The following PPM1L variants were observed in gnomAD, a reference collection of about 807,000 sequenced individuals.
PPM1L encodes protein phosphatase 1L.
In PPM1L, 13 loss-of-function variants were observed where a neutral mutation model predicts 31.4. That is an observed-to-expected ratio of 0.41 (90% CI 0.27 to 0.66). PPM1L has a LOEUF of 0.66. Ranked by LOEUF, PPM1L falls within the 30% of genes least tolerant of loss-of-function variation. PPM1L has a pLI of 0.29. For missense variants in PPM1L, 326 were observed against 453.7 expected (o/e 0.72, Z 2.56); for synonymous variants, 184 against 175.4 (o/e 1.05, Z -0.39).
chr3:160,880,009 C>T (rs1337865478), intron 1 of PPM1L, among the ~76,000 whole-genome samples: 1 of 152,154 alleles, frequency 6.6e-6, no homozygotes, highest in African/African-American at 2.4e-5. Context: ...ATGACAACAG[C>T]TGGTAGCACT....
intron 2 of PPM1L, among the ~76,000 whole-genome samples, chr3:160,990,747 A>G (rs1294661333): frequency 6.6e-6 from 1 of 152,220 alleles, no homozygotes. Flanking sequence ...CTTTGTTTAC[A>G]TGTAAGACAA....
At chr3:160,992,805 G>A (rs12107432) in intron 2 of PPM1L, among the ~76,000 whole-genome samples, 1,610 of 152,310 alleles carry the variant, frequency 0.011, 29 homozygotes, top group African/African-American at 0.037. Context: ...TGTGGCCAAG[G>A]AGAAAGAACT....
At chr3:160,767,735 A>C (rs1715142200) in intron 1 of PPM1L, among the ~76,000 whole-genome samples, 2 of 152,194 alleles carry the variant, frequency 1.3e-5, no homozygotes, top group Non-Finnish European at 2.9e-5. Flanking sequence ...TTTTAAGAAG[A>C]GGGTCTATAT....
intron 2 of PPM1L, among the ~76,000 whole-genome samples, chr3:161,056,450 A>G (rs186176946): frequency 1.2e-4 from 19 of 152,270 alleles, no homozygotes; most frequent in African/African-American, 4.3e-4. Flanking sequence ...CTACTGAAAC[A>G]CTGTGAATAA....
chr3:160,865,690 G>GAAC (rs1479475393), intron 1 of PPM1L, among the ~76,000 whole-genome samples: 3 of 152,204 alleles, frequency 2.0e-5, no homozygotes, highest in Non-Finnish European at 2.9e-5. Flanking sequence ...CAAGAGAATT[G>GAAC]CTTGAACCTG....
chr3:161,003,471 G>T (rs1015321535), intron 2 of PPM1L, among the ~76,000 whole-genome samples: 4 of 151,596 alleles, frequency 2.6e-5, no homozygotes, highest in Non-Finnish European at 5.9e-5. Context: ...CTACCCATGA[G>T]CATGGAATGT....
chr3:161,038,422 TGACCTCA>T (rs59357648), intron 2 of PPM1L, among the ~76,000 whole-genome samples: 3,960 of 151,880 alleles, frequency 0.026, 88 homozygotes, highest in South Asian at 0.043. Flanking sequence ...ACCAATTCTC[TGACCTCA>T]GCCTCCTGAG....
At chr3:160,986,217 T>C in intron 2 of PPM1L, among the ~76,000 whole-genome samples, 1 of 152,288 alleles carries the variant, frequency 6.6e-6, no homozygotes, top group South Asian at 2.1e-4. Context: ...CCATCTGGTA[T>C]CTTGGTCATT....
At chr3:160,830,008 A>C (rs1451914043) in intron 1 of PPM1L, among the ~76,000 whole-genome samples, 1 of 152,166 alleles carries the variant, frequency 6.6e-6, no homozygotes, top group Non-Finnish European at 1.5e-5. Context: ...CTGTCACATA[A>C]ACAGGGCTGA....
chr3:160,843,426 T>TA (rs1713958611), intron 1 of PPM1L, among the ~76,000 whole-genome samples: 51 of 47,538 alleles, frequency 1.1e-3, no homozygotes, highest in African/African-American at 3.3e-3. Flanking sequence ...GGCAATTCTT[T>TA]TATATATATA....
intron 2 of PPM1L, among the ~76,000 whole-genome samples, chr3:161,015,210 T>C (rs1174713036): frequency 6.6e-6 from 1 of 152,158 alleles, no homozygotes; most frequent in African/African-American, 2.4e-5. Context: ...TGCGCTATCC[T>C]TCCTTCCCCT....
intron 2 of PPM1L, among the ~76,000 whole-genome samples, chr3:160,982,550 T>C (rs539466132): frequency 6.6e-6 from 1 of 152,352 alleles, no homozygotes; most frequent in Middle Eastern, 3.4e-3. Context: ...TTTAAATGGA[T>C]GAGTAAAGAA....
At chr3:160,875,584 A>G (rs934908779) in intron 1 of PPM1L, among the ~76,000 whole-genome samples, 1 of 152,232 alleles carries the variant, frequency 6.6e-6, no homozygotes, top group African/African-American at 2.4e-5. Flanking sequence ...AGCTTTAGAA[A>G]TTAAATAAAA....
rs1560145230 is a variant in PPM1L at position 160,903,216 on chromosome 3, G to GTT, written c.400-58519_400-58518insTT. Among the ~76,000 whole-genome samples the GTT allele has an allele frequency of 2.7e-3, 340 of 126,372 alleles. 1 individual carries two copies. The highest frequency in any genetic ancestry group is 0.011 in the African/African-American group (323 of 30,714). The allele number at this position is 126,372 out of a possible 152,430, so 82.9% of individuals were successfully genotyped here. ...GTGGTATGTGTGTATGTTTGTGTGT[G>GTT]TGTGTGTGTGTGTGTGTGTGTGTGT... On this transcript the variant is annotated intron_variant, in intron 1 of 3. Coordinates refer to ENST00000498165, the MANE Select transcript of PPM1L (RefSeq NM_139245.4).
At chr3:160,938,860 C>A (rs553241920) in intron 1 of PPM1L, among the ~76,000 whole-genome samples, 1 of 152,258 alleles carries the variant, frequency 6.6e-6, no homozygotes, top group Admixed American at 6.5e-5. Flanking sequence ...AACTTTATTG[C>A]CCTGCATTTT....
rs1720057702 is a variant in PPM1L at position 161,075,050 on chromosome 3, G to A, written c.*5893G>A. On this transcript the variant is annotated 3_prime_UTR_variant, in exon 4 of 4. Coordinates refer to ENST00000498165, the MANE Select transcript of PPM1L (RefSeq NM_139245.4). ...TGTAAGGGCACTGGTGGCAGATTGT[G>A]GTGGAGAGAGGGCTGAGTGACCCAG... 1 of 152,122 alleles carries A rather than the reference G, an allele frequency of 6.6e-6. No individual in the cohort carries two copies. Among genetic ancestry groups the A allele is most frequent in the African/African-American group, 2.4e-5 (1 of 41,426 alleles). 9.4% of individuals were successfully genotyped at this position (152,122 alleles called of 1,614,324 possible).
intron 2 of PPM1L, among the ~76,000 whole-genome samples, chr3:161,024,515 A>G (rs1215314017): frequency 6.6e-6 from 1 of 151,896 alleles, no homozygotes; most frequent in Non-Finnish European, 1.5e-5. Flanking sequence ...CCTGACCAAC[A>G]TGGAGAAACC....
Position 160,778,287 on chromosome 3 carries a change from T to C in PPM1L, c.399+21580T>C, listed in dbSNP as rs372424591. ...ATGTAGTCCAGATATTAATCTCTTA[T>C]CAGGTAGATAATTTGCTAATACTTT... On this transcript the variant is annotated intron_variant, in intron 1 of 3. Coordinates refer to ENST00000498165, the MANE Select transcript of PPM1L (RefSeq NM_139245.4). Among the ~76,000 whole-genome samples the C allele has an allele frequency of 1.2e-4, 18 of 152,250 alleles. No individual in the cohort carries two copies. In the East Asian group the frequency reaches 2.5e-3, roughly 21 times the overall value.
intron 1 of PPM1L, among the ~76,000 whole-genome samples, chr3:160,844,208 T>C (rs542637007): frequency 2.0e-5 from 3 of 152,196 alleles, no homozygotes; most frequent in Non-Finnish European, 2.9e-5. Context: ...CTTTTCTCTT[T>C]ACATAAGTGG....
Sources: gnomAD v4.1 joint callset for allele counts (sites outside exome capture counted in the v4.1 genomes callset) on GRCh38, gnomAD v4.1.1 for gene constraint, MANE v1.5 for transcripts, NCBI Gene and HGNC (gene_info 2026-07-23, HGNC 2026-07-21) for gene names.